FAM135B: variants seen among roughly 807,000 people sequenced by gnomAD.
FAM135B encodes family with sequence similarity 135 member B.
FAM135B carries 43 observed loss-of-function variants against 127.7 expected under a neutral mutation model. The ratio of observed to expected loss-of-function variants is 0.34; its 90% CI spans 0.26 to 0.43. The LOEUF is 0.43. Among genes scored for constraint, FAM135B ranks in the 20% least tolerant of loss-of-function variants. The pLI is 1.00. For synonymous variants in FAM135B, 670 were observed against 665.1 expected (o/e 1.01, Z -0.11); for missense variants, 1,558 against 1,725.6 (o/e 0.90, Z 1.72).
chr8:138,230,839 T>G (rs1819851981), intron 7 of FAM135B, among the ~76,000 whole-genome samples: 1 of 152,124 alleles, frequency 6.6e-6, no homozygotes, highest in Non-Finnish European at 1.5e-5. Flanking sequence ...GTAGTTTCCT[T>G]GACAATATAA....
At chr8:138,221,017 T>A (rs1471367000) in intron 7 of FAM135B, among the ~76,000 whole-genome samples, 2 of 152,210 alleles carry the variant, frequency 1.3e-5, no homozygotes, top group African/African-American at 4.8e-5. Context: ...TTTATTCTAA[T>A]ATACTTCCTG....
At chr8:138,309,088 A>AGCT in intron 3 of FAM135B, 1 of 425,216 alleles carries the variant, frequency 2.4e-6, no homozygotes, top group Non-Finnish European at 4.6e-6. Flanking sequence ...ATATCTATGA[A>AGCT]GAATGCATTT....
intron 3 of FAM135B, among the ~76,000 whole-genome samples, chr8:138,269,952 C>T (rs1476037004): frequency 6.6e-6 from 1 of 152,174 alleles, no homozygotes; most frequent in East Asian, 1.9e-4. Context: ...TGAAGCCAAA[C>T]TTTATTTTTT....
chr8:138,444,953 A>C (rs1836028408), intron 1 of FAM135B, among the ~76,000 whole-genome samples: 1 of 152,226 alleles, frequency 6.6e-6, no homozygotes, highest in South Asian at 2.1e-4. Context: ...AGCCGCAATA[A>C]AAAATGATAA....
intron 1 of FAM135B, among the ~76,000 whole-genome samples, chr8:138,375,012 A>AC (rs1831374584): frequency 6.6e-6 from 1 of 151,160 alleles, no homozygotes; most frequent in African/African-American, 2.4e-5. Context: ...AACAACAACA[A>AC]CAACCCCAGA....
chr8:138,422,063 C>A (rs1587412957), intron 1 of FAM135B, among the ~76,000 whole-genome samples: 2 of 152,076 alleles, frequency 1.3e-5, no homozygotes, highest in South Asian at 2.1e-4. Context: ...AACTGGCTAG[C>A]CATAAGCAGA....
chr8:138,233,275 A>G (rs1420933013), intron 7 of FAM135B, among the ~76,000 whole-genome samples: 1 of 152,192 alleles, frequency 6.6e-6, no homozygotes, highest in Non-Finnish European at 1.5e-5. Context: ...AAACTCACCA[A>G]ATTGTAGACG....
chr8:138,271,251 T>C (rs1198871592), intron 3 of FAM135B, among the ~76,000 whole-genome samples: 1 of 152,008 alleles, frequency 6.6e-6, no homozygotes, highest in African/African-American at 2.4e-5. Context: ...CAATAAAGAG[T>C]TGTATTTTGG....
chr8:138,320,085 A>G (rs1048890877), intron 2 of FAM135B, among the ~76,000 whole-genome samples: 2 of 152,174 alleles, frequency 1.3e-5, no homozygotes, highest in Non-Finnish European at 2.9e-5. Flanking sequence ...CAGTAATACA[A>G]TCCAGCAGGA....
intron 1 of FAM135B, 70 bp from the exon 2 acceptor site, chr8:138,368,072 A>G: frequency 1.9e-6 from 2 of 1,061,402 alleles, no homozygotes; most frequent in Non-Finnish European, 2.9e-6. Context: ...GGCTTTTACA[A>G]CAGGAAACCA....
At chr8:138,249,649 G>T (rs1278452537) in intron 6 of FAM135B, among the ~76,000 whole-genome samples, 1 of 151,996 alleles carries the variant, frequency 6.6e-6, no homozygotes, top group Non-Finnish European at 1.5e-5. Flanking sequence ...GGTCAGATTG[G>T]GTAACTAATT....
chr8:138,406,026 C>T (rs1269714068), intron 1 of FAM135B, among the ~76,000 whole-genome samples: 2 of 130,082 alleles, frequency 1.5e-5, no homozygotes, highest in Non-Finnish European at 1.6e-5. Context: ...TGAGAAGTGT[C>T]GGTTCATATC....
chr8:138,146,848 C>T (rs564584255), intron 14 of FAM135B, among the ~76,000 whole-genome samples: 1 of 152,146 alleles, frequency 6.6e-6, no homozygotes, highest in Non-Finnish European at 1.5e-5. Flanking sequence ...AAGTTAGAAG[C>T]TGGGTATTTG....
intron 2 of FAM135B, chr8:138,358,381 G>T (rs1587220117): frequency 6.6e-6 from 1 of 152,148 alleles, no homozygotes; most frequent in Non-Finnish European, 1.5e-5. Context: ...AGCTTGACCA[G>T]ATCGACAGTC....
chr8:138,198,362 T>C (rs1214227569), intron 7 of FAM135B, among the ~76,000 whole-genome samples: 1 of 152,184 alleles, frequency 6.6e-6, no homozygotes, highest in African/African-American at 2.4e-5. Flanking sequence ...ATGTCTTTAT[T>C]AGCAGCCTGA....
At chr8:138,207,900 G>C (rs1817825931) in intron 7 of FAM135B, among the ~76,000 whole-genome samples, 1 of 152,172 alleles carries the variant, frequency 6.6e-6, no homozygotes, top group Admixed American at 6.5e-5. Flanking sequence ...TGCCATACCA[G>C]GGTGGGTAAG....
chr8:138,382,285 C>T lies in FAM135B; in HGVS notation c.-19-14283G>A, dbSNP rs373543498. On this transcript the variant is annotated intron_variant, in intron 1 of 19. Transcript: ENST00000395297. ...TTAAACAATGGTTTCTAAAATTTCT[C>T]GGGAGCCAGAGGAACTAGGGTAATC... Among the ~76,000 whole-genome samples, 10 of 152,254 alleles carry T rather than the reference C, an allele frequency of 6.6e-5. No individual in the cohort carries two copies. In the South Asian group the frequency reaches 1.2e-3, roughly 19 times the overall value.
intron 11 of FAM135B, among the ~76,000 whole-genome samples, chr8:138,174,815 C>T (rs1814282749): frequency 6.6e-6 from 1 of 152,068 alleles, no homozygotes; most frequent in Non-Finnish European, 1.5e-5. Flanking sequence ...CTGTTCCTCT[C>T]ACAGCGATGC....
At chr8:138,369,461 C>T (rs1054173924) in intron 1 of FAM135B, among the ~76,000 whole-genome samples, 3 of 152,202 alleles carry the variant, frequency 2.0e-5, no homozygotes, top group Admixed American at 6.5e-5. Flanking sequence ...TGCATCTCAG[C>T]TCAGGCAAAT....
Sources: gnomAD v4.1 joint callset for allele counts (sites outside exome capture counted in the v4.1 genomes callset) on GRCh38, gnomAD v4.1.1 for gene constraint, MANE v1.5 for transcripts, NCBI Gene and HGNC (gene_info 2026-07-23, HGNC 2026-07-21) for gene names.